Variants in DCAF10 observed in about 807,000 individuals in gnomAD.
DCAF10 encodes DDB1- and CUL4-associated factor 10.
In DCAF10, 19 loss-of-function variants were observed where a neutral mutation model predicts 51.9. The ratio of observed to expected loss-of-function variants is 0.37; its 90% CI spans 0.26 to 0.54. The LOEUF (loss-of-function observed/expected upper bound fraction) is 0.54. Among genes scored for constraint, DCAF10 ranks in the 20% least tolerant of loss-of-function variants. DCAF10 has a pLI of 0.87. For synonymous variants in DCAF10, 291 were observed against 297.1 expected, an observed-to-expected ratio of 0.98 and a Z score of 0.21; for missense variants, 510 against 730.6, an observed-to-expected ratio of 0.70 and a Z score of 3.48.
chr9:37,867,473 A>G lies in DCAF10; in HGVS notation c.*5965A>G, dbSNP rs978396988. ...TAAATTTTAGATTCACATTTTTAGG[A>G]AATTTGGAGTATTCCAGACAATATA... On this transcript the variant is annotated 3_prime_UTR_variant, in exon 7 of 7. Coordinates refer to ENST00000377724, the MANE Select transcript of DCAF10 (RefSeq NM_024345.5). 1.3e-5 allele frequency: 2 copies of G among 151,370 alleles called. No individual in the cohort carries two copies. The highest frequency in any genetic ancestry group is 2.9e-5 in the Non-Finnish European group (2 of 67,934). The allele number at this position is 151,370 out of a possible 1,614,324, so 9.4% of individuals were successfully genotyped here. A position where few individuals can be genotyped will look rare whatever the true frequency, so the allele number is the denominator to read the frequency against.
Position 37,862,488 on chromosome 9 carries a change from G to A in DCAF10, c.*980G>A, listed in dbSNP as rs1262982166. The stretch of plus-strand genomic sequence containing the variant: ...AGGAATCAAGAGTAAAGAGGTAGGG[G>A]TTTACTCATTTTTCTTCCCTGAGCC... On this transcript the variant is annotated 3_prime_UTR_variant, in exon 7 of 7. Coordinates refer to ENST00000377724, the MANE Select transcript of DCAF10 (RefSeq NM_024345.5). The A allele has an allele frequency of 6.6e-6, 1 of 152,156 alleles. No individual in the cohort carries two copies. The highest frequency in any genetic ancestry group is 2.4e-5 in the African/African-American group (1 of 41,448). 9.4% of individuals were successfully genotyped at this position (152,156 alleles called of 1,614,324 possible). A position where few individuals can be genotyped will look rare whatever the true frequency, so the allele number is the denominator to read the frequency against.
intron 2 of DCAF10, among the ~76,000 whole-genome samples, chr9:37,824,435 A>G (rs1242646968): frequency 6.6e-6 from 1 of 152,224 alleles, no homozygotes; most frequent in Non-Finnish European, 1.5e-5. Flanking sequence ...AATGAAAAAA[A>G]CTGAAAAGAT....
intron 2 of DCAF10, among the ~76,000 whole-genome samples, chr9:37,837,215 C>G (rs945315967): frequency 6.6e-6 from 1 of 152,098 alleles, no homozygotes; most frequent in Non-Finnish European, 1.5e-5. Flanking sequence ...AATCCCAGCA[C>G]TTTGGGAGGC....
At chr9:37,855,823 TGG>T (rs763832842) in intron 4 of DCAF10, among the ~76,000 whole-genome samples, 13 of 152,032 alleles carry the variant, frequency 8.6e-5, no homozygotes, top group Non-Finnish European at 1.8e-4. Context: ...AAGGGTAGCC[TGG>T]GCAACATAGG....
intron 1 of DCAF10, among the ~76,000 whole-genome samples, chr9:37,806,633 T>C (rs117624442): frequency 0.012 from 1,893 of 152,346 alleles, 24 homozygotes; most frequent in Non-Finnish European, 0.021. Context: ...CTTGGCACAG[T>C]ATACATTCCC....
At chr9:37,844,105 CTAAAAACATAGCA>C (rs1830409191) in intron 3 of DCAF10, among the ~76,000 whole-genome samples, 1 of 152,128 alleles carries the variant, frequency 6.6e-6, no homozygotes, top group South Asian at 2.1e-4. Flanking sequence ...TTGTATGCGC[CTAAAAACATAGCA>C]TAAAACTATA....
intron 1 of DCAF10, among the ~76,000 whole-genome samples, chr9:37,803,617 G>T (rs1039706739): frequency 6.7e-6 from 1 of 149,960 alleles, no homozygotes; most frequent in East Asian, 1.9e-4. Flanking sequence ...TCAGGGTGAT[G>T]AGTGAAAATA....
At chr9:37,840,231 A>G (rs948669416) in intron 2 of DCAF10, among the ~76,000 whole-genome samples, 1 of 152,180 alleles carries the variant, frequency 6.6e-6, no homozygotes, top group Non-Finnish European at 1.5e-5. Flanking sequence ...TGTTATACTT[A>G]TTATTGTTAT....
chr9:37,855,738 G>A (rs112322790), intron 4 of DCAF10, among the ~76,000 whole-genome samples: 1,931 of 152,126 alleles, frequency 0.013, 42 homozygotes, highest in African/African-American at 0.044. Context: ...GGCCAGGTGC[G>A]GGGGCTCACA....
In DCAF10 at chr9:37,822,997, T is replaced by C. The variant is rs1375408595; in HGVS notation, c.653+3596T>C. Among the ~76,000 whole-genome samples, 5 of 152,018 alleles carry C rather than the reference T, an allele frequency of 3.3e-5. No homozygotes were observed. In the South Asian group the frequency reaches 1.0e-3, roughly 32 times the overall value. On this transcript the variant is annotated intron_variant, in intron 2 of 6. Coordinates refer to ENST00000377724, the MANE Select transcript of DCAF10 (RefSeq NM_024345.5). ...AAAGAAAGAAAAAGAAATTATGTAG[T>C]TGGTATATAAAAAACTCAATAGATG... is the stretch of plus-strand genomic sequence containing the variant.
chr9:37,828,395 A>G (rs1829914324), intron 2 of DCAF10, among the ~76,000 whole-genome samples: 1 of 151,850 alleles, frequency 6.6e-6, no homozygotes, highest in Non-Finnish European at 1.5e-5. Context: ...GCCAAGGCTG[A>G]GCCCAGGAGT....
chr9:37,806,894 A>C lies in DCAF10; in HGVS notation c.539+5489A>C, dbSNP rs10973557. 5.9e-4 allele frequency among the ~76,000 whole-genome samples: 90 copies of C among 152,306 alleles called. 6 individuals carry two copies. In the East Asian group the frequency reaches 0.016, roughly 27 times the overall value. ...CCAGACACATTTAGTTGGGGGAATT[A>C]AGAAGCAGAAAGTTTATTAAATGAA... On this transcript the variant is annotated intron_variant, in intron 1 of 6. Coordinates refer to ENST00000377724, the MANE Select transcript of DCAF10 (RefSeq NM_024345.5).
chr9:37,804,070 C>G (rs191214196), intron 1 of DCAF10, among the ~76,000 whole-genome samples: 81 of 151,838 alleles, frequency 5.3e-4, no homozygotes, highest in Admixed American at 1.1e-3. Context: ...AAACTGTCCT[C>G]CATGAGAACA....
intron 2 of DCAF10, chr9:37,836,490 T>G: frequency 9.7e-7 from 1 of 1,032,536 alleles, no homozygotes; most frequent in South Asian, 1.3e-5. Flanking sequence ...CTGAGATGAT[T>G]TGAGTCTGCC....
At chr9:37,812,441 T>C (rs1298346913) in intron 1 of DCAF10, among the ~76,000 whole-genome samples, 1 of 152,064 alleles carries the variant, frequency 6.6e-6, no homozygotes, top group African/African-American at 2.4e-5. Context: ...CTAAGTTCAC[T>C]GCAGAAACAA....
At chr9:37,856,823 T>C (rs762481689) in intron 4 of DCAF10, among the ~76,000 whole-genome samples, 1 of 152,184 alleles carries the variant, frequency 6.6e-6, no homozygotes, top group Non-Finnish European at 1.5e-5. Flanking sequence ...TCAAGAATGA[T>C]AATGGAAGTT....
At chr9:37,830,223 A>C (rs1829968669) in intron 2 of DCAF10, among the ~76,000 whole-genome samples, 1 of 152,238 alleles carries the variant, frequency 6.6e-6, no homozygotes, top group African/African-American at 2.4e-5. Context: ...TCTGATACAC[A>C]TCTCAGAAAT....
At chr9:37,847,189 G>A (rs371913907) in intron 3 of DCAF10, among the ~76,000 whole-genome samples, 2 of 138,692 alleles carry the variant, frequency 1.4e-5, no homozygotes, top group African/African-American at 5.3e-5. Flanking sequence ...GAAGGTGGAA[G>A]TTGCAGTGAG....
chr9:37,827,748 A>G (rs1244281210), intron 2 of DCAF10, among the ~76,000 whole-genome samples: 1 of 152,236 alleles, frequency 6.6e-6, no homozygotes, highest in Non-Finnish European at 1.5e-5. Context: ...AACCAGTTTA[A>G]GGTGAGGAAT....
Sources: gnomAD v4.1 joint callset for allele counts (sites outside exome capture counted in the v4.1 genomes callset) on GRCh38, gnomAD v4.1.1 for gene constraint, MANE v1.5 for transcripts, NCBI Gene and HGNC (gene_info 2026-07-23, HGNC 2026-07-21) for gene names.